Variants in KAZN observed in about 807,000 individuals in gnomAD.
The protein encoded by KAZN is kazrin, periplakin interacting protein.
Under a neutral mutation model 87.4 loss-of-function variants are expected in KAZN, and 40 were observed. The ratio of observed to expected loss-of-function variants is 0.46; its 90% CI spans 0.36 to 0.60. The LOEUF (loss-of-function observed/expected upper bound fraction) is 0.60. Among genes scored for constraint, KAZN ranks in the 20% least tolerant of loss-of-function variants. The pLI, the probability that KAZN is intolerant of heterozygous loss-of-function variation, is 0.00. For synonymous variants in KAZN, 466 were observed against 458.3 expected (o/e 1.02, Z -0.22); for missense variants, 898 against 1,073.9 (o/e 0.84, Z 2.29).
intron 2 of KAZN, among the ~76,000 whole-genome samples, chr1:14,423,996 C>G (rs1366705166): frequency 6.6e-6 from 1 of 152,036 alleles, no homozygotes; most frequent in Admixed American, 6.6e-5. Context: ...AACTTGAGCC[C>G]CTGGATACAT....
chr1:14,605,595 T>C (rs1417949820), intron 1 of KAZN, among the ~76,000 whole-genome samples: 2 of 151,914 alleles, frequency 1.3e-5, no homozygotes, highest in Non-Finnish European at 2.9e-5. Context: ...ATTAAGAAAA[T>C]CATAAGGAAG....
chr1:13,965,430 G>A (rs1277643778), intron 1 of KAZN, among the ~76,000 whole-genome samples: 1 of 149,972 alleles, frequency 6.7e-6, no homozygotes, highest in African/African-American at 2.5e-5. Flanking sequence ...TATGACAGAT[G>A]TTCAACAATG....
chr1:14,445,160 G>A (rs886211733), intron 2 of KAZN, among the ~76,000 whole-genome samples: 1 of 152,046 alleles, frequency 6.6e-6, no homozygotes, highest in African/African-American at 2.4e-5. Flanking sequence ...CAAGTAGCTG[G>A]GATTACAGGC....
At chr1:14,425,788 T>C (rs1328626577) in intron 2 of KAZN, among the ~76,000 whole-genome samples, 3 of 152,096 alleles carry the variant, frequency 2.0e-5, no homozygotes, top group Non-Finnish European at 4.4e-5. Context: ...ATTTTATAGG[T>C]AAGGAGACTG....
intron 2 of KAZN, among the ~76,000 whole-genome samples, chr1:14,248,509 G>T (rs889165984): frequency 6.6e-6 from 1 of 152,242 alleles, no homozygotes; most frequent in African/African-American, 2.4e-5. Context: ...ACAGAGCAAA[G>T]CTGCTCCTAG....
chr1:14,813,936 G>A (rs1646490005), intron 1 of KAZN, among the ~76,000 whole-genome samples: 1 of 152,218 alleles, frequency 6.6e-6, no homozygotes, highest in Non-Finnish European at 1.5e-5. Flanking sequence ...CACGTGATCT[G>A]CTAAGTACTA....
intron 2 of KAZN, among the ~76,000 whole-genome samples, chr1:14,983,044 A>G (rs1666419901): frequency 6.6e-6 from 1 of 152,240 alleles, no homozygotes; most frequent in African/African-American, 2.4e-5. Context: ...CATGACAGCA[A>G]AAGGCTAACA....
At chr1:14,118,087 A>T (rs1434352741) in intron 1 of KAZN, among the ~76,000 whole-genome samples, 1 of 152,164 alleles carries the variant, frequency 6.6e-6, no homozygotes, top group African/African-American at 2.4e-5. Flanking sequence ...TGGGGTCACC[A>T]TGGGAAAACC....
intron 2 of KAZN, chr1:14,223,035 T>A (rs1647142429): frequency 6.6e-6 from 1 of 152,142 alleles, no homozygotes; most frequent in Non-Finnish European, 1.5e-5. Context: ...AAAGGTACTC[T>A]AGGGCTGAGG....
At position 14,273,519 on chromosome 1, in the gene KAZN, G is replaced by A. The variant is rs76285787; in HGVS notation, c.249+92927G>A. On this transcript the variant is annotated intron_variant, in intron 2 of 16. Coordinates refer to the KAZN transcript ENST00000636203. ...ATTACTGGCAGAGGAATCAGAGGTTGATAAAATGTTAGAAAATATACAGTT... is the reference window on the plus strand; with the variant it reads ...ATTACTGGCAGAGGAATCAGAGGTTAATAAAATGTTAGAAAATATACAGTT... Among the ~76,000 whole-genome samples, 691 of 152,188 alleles carry A rather than the reference G, an allele frequency of 4.5e-3. 3 individuals carry two copies. The highest frequency in any genetic ancestry group is 8.0e-3 in the Non-Finnish European group (545 of 68,012).
chr1:14,954,731 C>G (rs917429620), intron 1 of KAZN, among the ~76,000 whole-genome samples: 3 of 152,066 alleles, frequency 2.0e-5, no homozygotes, highest in African/African-American at 7.2e-5. Flanking sequence ...CTGAGGCGGG[C>G]AGATCATAAG....
At chr1:14,491,535 T>C (rs7537650) in intron 2 of KAZN, among the ~76,000 whole-genome samples, 98,016 of 152,024 alleles carry the variant, frequency 0.64, 32,120 homozygotes, top group East Asian at 0.92. Context: ...CCAGGGACAC[T>C]TGGATTTCTA....
Position 14,856,714 on chromosome 1 carries a change from A to G in KAZN, c.227-103970A>G, listed in dbSNP as rs16850971. On this transcript the variant is annotated intron_variant, in intron 1 of 14. Transcript: ENST00000376030. This position sits in a 1 kb window ranked among gnomAD's most constrained non-coding sequence, Gnocchi z 5.2. ...ACTTCTACTTTTCATGTGTTTCCTA[A>G]ATCTTGGATTATTCTCAAGGACAAT... is the stretch of plus-strand genomic sequence containing the variant. Among the ~76,000 whole-genome samples the G allele has an allele frequency of 0.041, 6,176 of 152,246 alleles. 438 individuals carry two copies. Among genetic ancestry groups the G allele is most frequent in the African/African-American group, 0.14 (5,878 of 41,516 alleles).
In KAZN at chr1:15,065,671, A is replaced by G. The variant is rs766939521; in HGVS notation, c.1140A>G (p.Lys380=). ...AAGACCAAAAACGGAAAAAGAAGAAAGAGAAGATGGGATTCGGCTCCATCT... is the reference window on the plus strand; with the variant it reads ...AAGACCAAAAACGGAAAAAGAAGAAGGAGAAGATGGGATTCGGCTCCATCT... ...DLEDQKRKKK[K]EKMGFGSISR... is the part of the protein sequence containing the mutation. Residue 380 remains lysine, a synonymous_variant, in exon 8 of 15, where the codon AAA becomes AAG. Coordinates refer to ENST00000376030, the MANE Select transcript of KAZN (RefSeq NM_201628.3). The G allele has an allele frequency of 1.1e-5, 17 of 1,614,040 alleles. No individual in the cohort carries two copies. Among genetic ancestry groups the G allele is most frequent in the Non-Finnish European group, 1.7e-6 (2 of 1,179,980 alleles).
At chr1:14,774,848 G>A (rs12088443) in intron 1 of KAZN, among the ~76,000 whole-genome samples, 5,072 of 152,114 alleles carry the variant, frequency 0.033, 142 homozygotes, top group African/African-American at 0.076. Context: ...CTCCAAGTCC[G>A]TGGTACATCA....
chr1:14,962,491 A>T (rs1312418284), intron 2 of KAZN, among the ~76,000 whole-genome samples: 1 of 152,164 alleles, frequency 6.6e-6, no homozygotes, highest in African/African-American at 2.4e-5. Context: ...GTCTAGGCAG[A>T]TCTGTGTGAG....
intron 2 of KAZN, among the ~76,000 whole-genome samples, chr1:14,294,588 C>T (rs1416922222): frequency 6.6e-6 from 1 of 150,674 alleles, no homozygotes; most frequent in Non-Finnish European, 1.5e-5. Flanking sequence ...CACCAGTCTA[C>T]CTGACTCTGT....
Position 14,467,489 on chromosome 1 carries a change from T to C in KAZN, c.250-131494T>C, listed in dbSNP as rs185743681. On this transcript the variant is annotated intron_variant, in intron 2 of 16. Transcript: ENST00000636203. ...ATGTCAATTATATCCTATCAGTCAT[T>C]ATATTCCATGTAAATGGGTTAAACA... is the stretch of plus-strand genomic sequence containing the variant. Among the ~76,000 whole-genome samples, 7 of 152,030 alleles carry C rather than the reference T, an allele frequency of 4.6e-5. No homozygotes were observed. The East Asian group carries it at 5.8e-4, about 13-fold the overall frequency.
chr1:15,007,256 A>T (rs1669121583), intron 2 of KAZN, among the ~76,000 whole-genome samples: 1 of 152,038 alleles, frequency 6.6e-6, no homozygotes, highest in African/African-American at 2.4e-5. Context: ...GTCCTCGGGA[A>T]CCAGAGCACT....
Sources: allele counts gnomAD v4.1 joint callset (sites outside exome capture counted in the v4.1 genomes callset), GRCh38; gene constraint gnomAD v4.1.1; non-coding constraint Gnocchi (gnomAD v3.1); transcripts MANE v1.5; gene names NCBI Gene and HGNC (gene_info 2026-07-23, HGNC 2026-07-21).